CA14: variants seen among roughly 807,000 people sequenced by gnomAD.
The protein encoded by CA14 is carbonic anhydrase 14.
In CA14, 44 loss-of-function variants were observed where a neutral mutation model predicts 48.8. The ratio of observed to expected loss-of-function variants is 0.90; its 90% CI spans 0.71 to 1.16. The LOEUF (loss-of-function observed/expected upper bound fraction) is 1.16. Among genes scored for constraint, CA14 ranks in the 50% most tolerant of loss-of-function variants. The pLI is 0.00. For missense variants in CA14, 386 were observed against 401.0 expected, an observed-to-expected ratio of 0.96 and a Z score of 0.32; for synonymous variants, 154 against 155.0, an observed-to-expected ratio of 0.99 and a Z score of 0.05.
chr1:150,258,278 C>A, intron 1 of CA14, 95 bp downstream of exon 1: 1 of 1,014,394 alleles, frequency 9.9e-7, no homozygotes, highest in South Asian at 1.6e-5. Context: ...GAAAGGAAGC[C>A]TAGAGGCTGG....
intron 4 of CA14, 84 bp downstream of exon 4, chr1:150,262,384 T>A: frequency 2.0e-6 from 3 of 1,533,798 alleles, no homozygotes; most frequent in Non-Finnish European, 1.8e-6. Flanking sequence ...TTAGGAAAAG[T>A]CATGCTGGGG....
intron 1 of CA14, among the ~76,000 whole-genome samples, chr1:150,259,452 T>A (rs1650810083): frequency 6.6e-6 from 1 of 152,140 alleles, no homozygotes; most frequent in African/African-American, 2.4e-5. Context: ...ACTTTCATCC[T>A]GTCCCTGCCA....
chr1:150,261,304 A>G lies in CA14; in HGVS notation c.77-155A>G. ...CAGGACTCCTACCTCACCCATCCCT[A>G]TACAACTGGGGTCTTAACCTGGGTG... On this transcript the variant is annotated intron_variant, in intron 2 of 10. Transcript: ENST00000369111. The G allele has an allele frequency of 4.7e-6, 3 of 641,732 alleles. No individual in the cohort carries two copies. In the South Asian group the frequency reaches 5.8e-5, roughly 12 times the overall value. 39.8% of individuals were successfully genotyped at this position (641,732 alleles called of 1,614,324 possible).
intron 3 of CA14, among the ~76,000 whole-genome samples, 196 bp downstream of exon 3, chr1:150,261,834 A>G (rs587699999): frequency 6.6e-6 from 1 of 152,348 alleles, no homozygotes; most frequent in South Asian, 2.1e-4. Context: ...AGTCAGAGGA[A>G]AGCAGCATTT....
At chr1:150,262,946 A>T in intron 6 of CA14, 76 bp downstream of exon 6, 1 of 1,579,244 alleles carries the variant, frequency 6.3e-7, no homozygotes, top group Non-Finnish European at 8.7e-7. Flanking sequence ...GGGATGAAGC[A>T]ATTACATAGA....
At chr1:150,261,837 C>G (rs1463430602) in intron 3 of CA14, among the ~76,000 whole-genome samples, 199 bp downstream of exon 3, 1 of 152,198 alleles carries the variant, frequency 6.6e-6, no homozygotes, top group African/African-American at 2.4e-5. Flanking sequence ...CAGAGGAAAG[C>G]AGCATTTTCC....
In CA14 at chr1:150,263,351, T is replaced by C. The variant is rs1553848423; in HGVS notation, c.773T>C (p.Leu258Pro). The change falls in exon 8 of 11, where the codon CTT (leucine) becomes CCT (proline). Residue 258 changes from leucine (L) to proline (P), a missense_variant. Transcript: ENST00000369111. Reference sequence around the variant, plus strand: ...TCCACAGAAGAGGAGCCCTCTAAGCTTCTGGTACAGAACTACCGAGCCCTT... The same window carrying C: ...TCCACAGAAGAGGAGCCCTCTAAGCCTCTGGTACAGAACTACCGAGCCCTT... The part of the protein sequence containing the change: ...LFSTEEEPSK[L>P]LVQNYRALQP... 1 of 1,614,186 alleles carries C rather than the reference T, an allele frequency of 6.2e-7. No individual in the cohort carries two copies. Among genetic ancestry groups the C allele is most frequent in the Non-Finnish European group, 8.5e-7 (1 of 1,180,018 alleles).
At chr1:150,261,777 T>C (rs1651056062) in intron 3 of CA14, 139 bp downstream of exon 3, 2 of 760,084 alleles carry the variant, frequency 2.6e-6, no homozygotes, top group African/African-American at 1.8e-5. Flanking sequence ...GTCAAGATGT[T>C]GGCACATTAC....
Position 150,258,194 on chromosome 1 carries a change from C to G in CA14, c.55+11C>G, listed in dbSNP as rs1235135393. The G allele has an allele frequency of 6.2e-7, 1 of 1,607,678 alleles. No individual in the cohort carries two copies. Among genetic ancestry groups the G allele is most frequent in the Non-Finnish European group, 8.5e-7 (1 of 1,175,632 alleles). ...TGGCTGCAGATGGGGGTAGGTACAA[C>G]TAAATGTCTGTGTGTGGATTTGTGC... is the stretch of plus-strand genomic sequence containing the variant. On this transcript the variant is annotated intron_variant, in intron 1 of 10. Coordinates refer to ENST00000369111, the MANE Select transcript of CA14 (RefSeq NM_012113.3).
At chr1:150,260,113 G>C (rs1265234399) in intron 1 of CA14, 38 bp from the exon 2 acceptor site, 2 of 1,611,484 alleles carry the variant, frequency 1.2e-6, no homozygotes, top group African/African-American at 1.3e-5. Context: ...TCTGCCCCAG[G>C]CTGCGCTGGC....
At position 150,261,658 on chromosome 1, in the gene CA14, G is replaced by A; in HGVS notation, c.256+20G>A. 2 of 1,609,730 alleles carry A rather than the reference G, an allele frequency of 1.2e-6. No individual in the cohort carries two copies. Among genetic ancestry groups the A allele is most frequent in the Non-Finnish European group, 1.7e-6 (2 of 1,177,250 alleles). ...ACACAGGTAAAAGCACAGGCTCCAA[G>A]GAGTTGTAGGCTCCAGCTCAGATCT... On this transcript the variant is annotated intron_variant, in intron 3 of 10. Coordinates refer to ENST00000369111, the MANE Select transcript of CA14 (RefSeq NM_012113.3).
intron 2 of CA14, 103 bp from the exon 3 acceptor site, chr1:150,261,356 C>A: frequency 2.0e-6 from 2 of 1,016,448 alleles, no homozygotes; most frequent in Non-Finnish European, 3.0e-6. Context: ...TACCTCCACA[C>A]AGATGTATGG....
intron 2 of CA14, chr1:150,260,751 G>GTT (rs1553847624): frequency 6.7e-5 from 7 of 104,884 alleles, no homozygotes; most frequent in South Asian, 3.0e-4. Context: ...ATCTCTCTAG[G>GTT]TTATTTTTTT....
At chr1:150,264,132 G>A (rs1321917910) in intron 10 of CA14, among the ~76,000 whole-genome samples, 1 of 151,584 alleles carries the variant, frequency 6.6e-6, no homozygotes, top group Non-Finnish European at 1.5e-5. Context: ...CACCATATTG[G>A]CCAGGCTGGT....
At position 150,258,175 on chromosome 1, in the gene CA14, C is replaced by T; in HGVS notation, c.47C>T (p.Ala16Val). 2.5e-6 allele frequency: 4 copies of T among 1,610,738 alleles called. No individual in the cohort carries two copies. Among genetic ancestry groups the T allele is most frequent in the Admixed American group, 1.7e-5 (1 of 59,864 alleles). ...LLLEVIWILA[A>V]DGGQHWTYEG... is the part of the protein sequence containing the mutation. Reference sequence around the variant, plus strand: ...CTGGAGGTGATTTGGATCCTGGCTGCAGATGGGGGTAGGTACAACTAAATG... The same window carrying T: ...CTGGAGGTGATTTGGATCCTGGCTGTAGATGGGGGTAGGTACAACTAAATG... Residue 16 changes from alanine (A) to valine (V), a missense_variant, in exon 1 of 11, where the codon GCA (alanine) becomes GTA (valine). Coordinates refer to ENST00000369111, the MANE Select transcript of CA14 (RefSeq NM_012113.3).
chr1:150,262,234 C>T lies in CA14; in HGVS notation c.333C>T (p.His111=). The change falls in exon 4 of 11, where the codon CAC becomes CAT. Residue 111 remains histidine, a synonymous_variant. Transcript: ENST00000369111. ...RKYVAAQLHL[H]WGQKGSPGGS... The stretch of plus-strand genomic sequence containing the variant: ...ATGTAGCTGCCCAGCTCCACCTGCA[C>T]TGGGGTCAGAAAGGATCCCCAGGGG... The T allele has an allele frequency of 6.2e-7, 1 of 1,613,906 alleles. No homozygotes were observed. The highest frequency in any genetic ancestry group is 1.7e-5 in the Admixed American group (1 of 59,996).
At chr1:150,262,975 T>C (rs1651200598) in intron 6 of CA14, 67 bp from the exon 7 acceptor site, 19 of 1,602,362 alleles carry the variant, frequency 1.2e-5, no homozygotes, top group East Asian at 1.1e-4. Flanking sequence ...ATTTTGCTTC[T>C]GGGAGCCCTA....
intron 1 of CA14, among the ~76,000 whole-genome samples, 186 bp downstream of exon 1, chr1:150,258,369 CTTG>C (rs1286803682): frequency 2.0e-5 from 3 of 152,116 alleles, no homozygotes; most frequent in Non-Finnish European, 2.9e-5. Context: ...TCTCTCCAGC[CTTG>C]TTGTTATTGG....
chr1:150,261,400 CTGT>C, intron 2 of CA14, 56 bp from the exon 3 acceptor site: 1 of 1,463,376 alleles, frequency 6.8e-7, no homozygotes, highest in Non-Finnish European at 9.5e-7. Flanking sequence ...GGAGGGGGTG[CTGT>C]TGAAGGGTAG....
Sources: gnomAD v4.1 joint callset for allele counts (sites outside exome capture counted in the v4.1 genomes callset) on GRCh38, gnomAD v4.1.1 for gene constraint, MANE v1.5 for transcripts, NCBI Gene and HGNC (gene_info 2026-07-23, HGNC 2026-07-21) for gene names.